The following SMARCC1 variants were observed in gnomAD, a reference collection of about 807,000 sequenced individuals.
SMARCC1 encodes SWI/SNF complex subunit SMARCC1.
Under a neutral mutation model 147.4 loss-of-function variants are expected in SMARCC1, and 43 were observed. That is an observed-to-expected ratio of 0.29 (90% CI 0.23 to 0.38). SMARCC1 has a LOEUF of 0.38. Among genes scored for constraint, SMARCC1 ranks in the 10% least tolerant of loss-of-function variants. The pLI is 1.00. For synonymous variants in SMARCC1, 495 were observed against 484.4 expected (o/e 1.02, Z -0.29); for missense variants, 1,119 against 1,381.1 (o/e 0.81, Z 3.01).
intron 13 of SMARCC1, 46 bp downstream of exon 13, chr3:47,689,341 G>A (rs781273252): frequency 2.0e-6 from 3 of 1,483,344 alleles, no homozygotes; most frequent in Non-Finnish European, 2.8e-6. Flanking sequence ...CGGTACACAG[G>A]ACCCTTAGAG....
At chr3:47,602,324 G>C (rs1382847916) in intron 26 of SMARCC1, among the ~76,000 whole-genome samples, 1 of 152,120 alleles carries the variant, frequency 6.6e-6, no homozygotes, top group African/African-American at 2.4e-5. Context: ...AAAAGACAGG[G>C]TCTTGCTCTA....
At chr3:47,620,393 G>A (rs2032710361) in intron 25 of SMARCC1, among the ~76,000 whole-genome samples, 1 of 151,932 alleles carries the variant, frequency 6.6e-6, no homozygotes. Context: ...AACCTGGGAG[G>A]TGGAGGTTGT....
chr3:47,594,047 C>T (rs11130140), intron 26 of SMARCC1, among the ~76,000 whole-genome samples: 3 of 151,964 alleles, frequency 2.0e-5, no homozygotes, highest in African/African-American at 7.3e-5. Flanking sequence ...CACCTGTAAT[C>T]TCAGCTACTT....
Position 47,736,030 on chromosome 3 carries a change from T to C in SMARCC1, c.576+4A>G. ...TTATTATCTGAAGTGATTGTGTCTA[T>C]TACCTGATGTCGTTTGATGATATCT... On this transcript the variant is annotated splice_donor_region_variant and intron_variant, in intron 5 of 27. Coordinates refer to ENST00000254480, the MANE Select transcript of SMARCC1 (RefSeq NM_003074.4). 2 of 1,441,344 alleles carry C rather than the reference T, an allele frequency of 1.4e-6. No individual in the cohort carries two copies. The highest frequency in any genetic ancestry group is 1.9e-6 in the Non-Finnish European group (2 of 1,034,026). The allele number at this position is 1,441,344 out of a possible 1,614,324, so 89.3% of individuals were successfully genotyped here. A position where few individuals can be genotyped will look rare whatever the true frequency, so the allele number is the denominator to read the frequency against.
chr3:47,636,170 G>T, intron 22 of SMARCC1, 34 bp from the exon 23 acceptor site: 1 of 1,218,156 alleles, frequency 8.2e-7, no homozygotes, highest in South Asian at 1.3e-5. Flanking sequence ...GACAGGCAGT[G>T]AACAAAAAAA....
intron 15 of SMARCC1, among the ~76,000 whole-genome samples, chr3:47,679,752 CGTGGGAGGCT>C (rs922246459): frequency 6.6e-6 from 1 of 150,458 alleles, no homozygotes; most frequent in Non-Finnish European, 1.5e-5. Flanking sequence ...GTCTCAACTA[CGTGGGAGGCT>C]GAGGCAGGAG....
intron 9 of SMARCC1, among the ~76,000 whole-genome samples, chr3:47,706,741 C>T (rs951741566): frequency 1.3e-5 from 2 of 152,142 alleles, no homozygotes; most frequent in Admixed American, 6.5e-5. Flanking sequence ...ATGGAAATAT[C>T]GGCTATCAGT....
intron 3 of SMARCC1, among the ~76,000 whole-genome samples, chr3:47,740,933 G>C (rs1419301191): frequency 6.6e-6 from 1 of 150,482 alleles, no homozygotes; most frequent in Admixed American, 6.6e-5. Context: ...GTAATGAAAT[G>C]ACTCTAGGCA....
At position 47,665,891 on chromosome 3, in the gene SMARCC1, C is replaced by T. The variant is rs181063948; in HGVS notation, c.1900-3299G>A. ...TGTGAGACACGGTCTTGCTATGTTG[C>T]CCAAGCTGCTGTCCAATTCCTGGCC... On this transcript the variant is annotated intron_variant, in intron 19 of 27. Transcript: ENST00000254480. Among the ~76,000 whole-genome samples, 241 of 150,958 alleles carry T rather than the reference C, an allele frequency of 1.6e-3. 1 individual carries two copies. Among genetic ancestry groups the T allele is most frequent in the African/African-American group, 5.4e-3 (223 of 41,086 alleles).
chr3:47,706,565 T>C, intron 9 of SMARCC1, 35 bp from the exon 10 acceptor site: 3 of 1,503,126 alleles, frequency 2.0e-6, no homozygotes, highest in Non-Finnish European at 2.7e-6. Context: ...GTATCAGCTA[T>C]CTTTGCTCCT....
chr3:47,673,097 G>C (rs2033521681), intron 18 of SMARCC1, among the ~76,000 whole-genome samples: 1 of 151,700 alleles, frequency 6.6e-6, no homozygotes, highest in Non-Finnish European at 1.5e-5. Flanking sequence ...TTTTTTTCTT[G>C]TATTAGGCTG....
intron 11 of SMARCC1, among the ~76,000 whole-genome samples, chr3:47,700,521 TTTTG>T (rs1312694669): frequency 6.6e-6 from 1 of 152,118 alleles, no homozygotes; most frequent in Non-Finnish European, 1.5e-5. Context: ...GTTTTTTGTT[TTTTG>T]TTTTTGTTTT....
intron 19 of SMARCC1, 34 bp from the exon 20 acceptor site, chr3:47,662,626 G>C (rs753734533): frequency 1.9e-6 from 3 of 1,590,202 alleles, no homozygotes; most frequent in Admixed American, 3.4e-5. Context: ...TTCATGTCAG[G>C]TAACAAGAAA....
At chr3:47,592,929 C>A (rs568995570) in intron 26 of SMARCC1, among the ~76,000 whole-genome samples, 1 of 151,112 alleles carries the variant, frequency 6.6e-6, no homozygotes, top group South Asian at 2.1e-4. Context: ...AAAGGATTCT[C>A]CTGACTCAGC....
At chr3:47,720,820 G>A (rs2034224215) in intron 6 of SMARCC1, 85 bp from the exon 7 acceptor site, 2 of 1,068,530 alleles carry the variant, frequency 1.9e-6, no homozygotes, top group Non-Finnish European at 2.8e-6. Context: ...TTACTAAGAT[G>A]TTTTAGTTTG....
intron 21 of SMARCC1, among the ~76,000 whole-genome samples, chr3:47,642,574 G>C (rs1200338838): frequency 6.7e-6 from 1 of 149,326 alleles, no homozygotes; most frequent in South Asian, 2.2e-4. Flanking sequence ...TGGGCAAAAG[G>C]GCGAGACTTT....
rs554361452 is a variant in SMARCC1, at chr3:47,663,866, G to A, written c.1900-1274C>T. 2.9e-5 allele frequency: 45 copies of A among 1,535,314 alleles called. 1 individual carries two copies. The East Asian group carries it at 4.0e-4, about 14-fold the overall frequency. ...GCTCATGATGTGCACCTGGATCGCCGCCCAGGGTTTCACGGTCACAGCCAT... is the reference window on the plus strand; with the variant it reads ...GCTCATGATGTGCACCTGGATCGCCACCCAGGGTTTCACGGTCACAGCCAT... On this transcript the variant is annotated intron_variant, in intron 19 of 27. Transcript: ENST00000254480.
intron 25 of SMARCC1, among the ~76,000 whole-genome samples, chr3:47,618,643 G>A (rs1056066425): frequency 6.6e-6 from 1 of 152,120 alleles, no homozygotes; most frequent in African/African-American, 2.4e-5. Context: ...CTGCAGGGCT[G>A]AGAGAAGAGG....
chr3:47,598,845 AAAAAAAGAG>A (rs1396809671), intron 26 of SMARCC1, among the ~76,000 whole-genome samples: 7 of 105,722 alleles, frequency 6.6e-5, no homozygotes, highest in Non-Finnish European at 1.5e-4. Flanking sequence ...AAAAAAAAAA[AAAAAAAGAG>A]AGAGAGAGAC....
Sources: gnomAD v4.1 joint callset for allele counts (sites outside exome capture counted in the v4.1 genomes callset) on GRCh38, gnomAD v4.1.1 for gene constraint, MANE v1.5 for transcripts, NCBI Gene and HGNC (gene_info 2026-07-23, HGNC 2026-07-21) for gene names.